The following OPCML variants were observed in gnomAD, a reference collection of about 807,000 sequenced individuals.
OPCML encodes the protein opioid-binding protein/cell adhesion molecule.
OPCML carries 13 observed loss-of-function variants against 37.8 expected under a neutral mutation model. The observed-to-expected ratio is 0.34, with a 90% CI of 0.22 to 0.55. The LOEUF (loss-of-function observed/expected upper bound fraction) is 0.55. Among genes scored for constraint, OPCML ranks in the 20% least tolerant of loss-of-function variants. The probability of loss-of-function intolerance (pLI) is 0.91; values close to 1 mark genes in which losing one functional copy is unlikely to be tolerated. For synonymous variants in OPCML, 176 were observed against 168.8 expected, an observed-to-expected ratio of 1.04 and a Z score of -0.33; for missense variants, 341 against 435.6, an observed-to-expected ratio of 0.78 and a Z score of 1.93.
chr11:133,103,637 T>C (rs996232928), intron 1 of OPCML, among the ~76,000 whole-genome samples: 4 of 152,254 alleles, frequency 2.6e-5, no homozygotes, highest in Non-Finnish European at 4.4e-5. Context: ...AGTGTTTCTT[T>C]GCAAGATTTC....
At chr11:133,186,909 A>G (rs1938106722) in intron 1 of OPCML, among the ~76,000 whole-genome samples, 1 of 152,114 alleles carries the variant, frequency 6.6e-6, no homozygotes, top group South Asian at 2.1e-4. Flanking sequence ...GGTAGGCCTC[A>G]TTGAGAAGCC....
Position 132,486,840 on chromosome 11 carries a change from T to C in OPCML, c.505+42221A>G, listed in dbSNP as rs2096201467. Among the ~76,000 whole-genome samples, 4 of 152,160 alleles carry C rather than the reference T, an allele frequency of 2.6e-5. 1 individual carries two copies. The South Asian group carries it at 6.2e-4, about 24-fold the overall frequency. ...GCAAAGCTTAACCAAGGAGAGCCTG[T>C]GAAACAAACATATTTTGAAGCAATT... On this transcript the variant is annotated intron_variant, in intron 4 of 7. Transcript: ENST00000524381.
chr11:133,327,233 G>A (rs955999805), intron 1 of OPCML, among the ~76,000 whole-genome samples: 13 of 151,686 alleles, frequency 8.6e-5, no homozygotes, highest in South Asian at 2.1e-4. Context: ...GTATGTGGGC[G>A]GGGGATATGT....
chr11:133,220,718 G>A (rs1242158335), intron 1 of OPCML, among the ~76,000 whole-genome samples: 1 of 152,142 alleles, frequency 6.6e-6, no homozygotes, highest in African/African-American at 2.4e-5. Context: ...AAAAGTCTCA[G>A]AGAGCAAAGT....
At chr11:132,771,991 T>C (rs934213162) in intron 2 of OPCML, 6 of 152,202 alleles carry the variant, frequency 3.9e-5, no homozygotes, top group Non-Finnish European at 8.8e-5. Flanking sequence ...CTCTGTTCTC[T>C]GGATTGGGGC....
chr11:132,983,542 T>C (rs1421239996), intron 1 of OPCML, among the ~76,000 whole-genome samples: 1 of 152,130 alleles, frequency 6.6e-6, no homozygotes, highest in African/African-American at 2.4e-5. Flanking sequence ...TTGTGCACTG[T>C]CTATGGTCCT....
chr11:133,388,268 C>T (rs1945099984), intron 1 of OPCML, among the ~76,000 whole-genome samples: 1 of 152,144 alleles, frequency 6.6e-6, no homozygotes, highest in Non-Finnish European at 1.5e-5. Flanking sequence ...CACACAGAGA[C>T]ACACATGGTG....
At chr11:133,241,994 G>C (rs1940749965) in intron 1 of OPCML, among the ~76,000 whole-genome samples, 1 of 152,172 alleles carries the variant, frequency 6.6e-6, no homozygotes, top group Non-Finnish European at 1.5e-5. Flanking sequence ...CAATCTTTTA[G>C]ATCTCTTTGT....
chr11:133,096,468 A>G (rs1187461565), intron 1 of OPCML, among the ~76,000 whole-genome samples: 1 of 152,050 alleles, frequency 6.6e-6, no homozygotes, highest in African/African-American at 2.4e-5. Flanking sequence ...AGACAAAAAA[A>G]TAGGAACAAA....
chr11:132,609,347 C>A lies in OPCML; in HGVS notation c.379+47740G>T, dbSNP rs771896524. Among the ~76,000 whole-genome samples, 35 of 152,164 alleles carry A rather than the reference C, an allele frequency of 2.3e-4. 1 individual carries two copies. Among genetic ancestry groups the A allele is most frequent in the Non-Finnish European group, 4.7e-4 (32 of 68,026 alleles). ...AAAAGTCTTAATGTGAATACTTGAC[C>A]TCACAGGGTCTAACTTCGAAGGCCG... On this transcript the variant is annotated intron_variant, in intron 3 of 7. Coordinates refer to ENST00000524381, the MANE Select transcript of OPCML (RefSeq NM_001012393.5).
intron 1 of OPCML, among the ~76,000 whole-genome samples, chr11:133,074,242 A>T (rs1210095752): frequency 6.6e-6 from 1 of 152,222 alleles, no homozygotes; most frequent in African/African-American, 2.4e-5. Context: ...TAAAAGGGCT[A>T]CTTTTCTTCC....
At chr11:132,973,534 C>A (rs1946389558) in intron 1 of OPCML, among the ~76,000 whole-genome samples, 1 of 152,196 alleles carries the variant, frequency 6.6e-6, no homozygotes, top group African/African-American at 2.4e-5. Flanking sequence ...GCTCAATAAT[C>A]TTTTTGTCAC....
intron 3 of OPCML, among the ~76,000 whole-genome samples, chr11:132,608,229 A>G (rs1433056221): frequency 1.3e-5 from 2 of 152,216 alleles, no homozygotes; most frequent in African/African-American, 4.8e-5. Flanking sequence ...CACATGCTCA[A>G]ATGAATTCTA....
chr11:133,031,493 G>A (rs889067054), intron 1 of OPCML, among the ~76,000 whole-genome samples: 2 of 150,864 alleles, frequency 1.3e-5, no homozygotes, highest in Non-Finnish European at 3.0e-5. Flanking sequence ...ATGGATGGAT[G>A]GATGGTTGGT....
chr11:132,843,536 T>C (rs1941390222), intron 2 of OPCML, among the ~76,000 whole-genome samples: 1 of 152,100 alleles, frequency 6.6e-6, no homozygotes, highest in Non-Finnish European at 1.5e-5. Flanking sequence ...GCACTGGTGT[T>C]ATTTTAGACG....
At chr11:132,491,575 T>C (rs1213420227) in intron 4 of OPCML, among the ~76,000 whole-genome samples, 1 of 152,224 alleles carries the variant, frequency 6.6e-6, no homozygotes, top group Non-Finnish European at 1.5e-5. Context: ...ACCCACTCAC[T>C]CTCTTTCCCC....
chr11:133,151,747 A>T (rs1035296336), intron 1 of OPCML, among the ~76,000 whole-genome samples: 2 of 152,168 alleles, frequency 1.3e-5, no homozygotes, highest in African/African-American at 4.8e-5. Context: ...TCACGGGATC[A>T]GTTAGGGCTT....
Position 132,420,193 on chromosome 11 carries a change from T to C in OPCML, c.1017A>G (p.Ter339TrpextTer1). The C allele has an allele frequency of 1.2e-6, 2 of 1,613,796 alleles. No individual in the cohort carries two copies. The highest frequency in any genetic ancestry group is 1.7e-6 in the Non-Finnish European group (2 of 1,179,780). Reference protein sequence around the residue: ...TLLAHFFIKF* With the variant: ...TLLAHFFIKFW ...TGCTCAGAGGACCTAGGATTTCTTA[T>C]CAAAACTTGATGAAGAAGTGGGCTA... Residue 339 changes from the stop codon to tryptophan, a stop_lost, in exon 8 of 8, where the codon TGA becomes TGG. Coordinates refer to ENST00000524381, the MANE Select transcript of OPCML (RefSeq NM_001012393.5).
At position 132,435,290 on chromosome 11, in the gene OPCML, C is replaced by A. The variant is rs3781631; in HGVS notation, c.916+796G>T. ...GGACAAAGTTTACTTAATGTCAGTGCTGAAAGCTTGTGTCTGAGGTGCACG... is the reference window on the plus strand; with the variant it reads ...GGACAAAGTTTACTTAATGTCAGTGATGAAAGCTTGTGTCTGAGGTGCACG... On this transcript the variant is annotated intron_variant, in intron 7 of 7. Transcript: ENST00000524381. 5,450 of 1,278,330 alleles carry A rather than the reference C, an allele frequency of 4.3e-3. 110 individuals are homozygous for A. In the African/African-American group the frequency reaches 0.05, roughly 12 times the overall value. 79.2% of individuals were successfully genotyped at this position (1,278,330 alleles called of 1,614,324 possible).
Sources: allele counts gnomAD v4.1 joint callset (sites outside exome capture counted in the v4.1 genomes callset), GRCh38; gene constraint gnomAD v4.1.1; transcripts MANE v1.5; gene names NCBI Gene and HGNC (gene_info 2026-07-23, HGNC 2026-07-21).